Variants in EFCC1 observed in about 807,000 individuals in gnomAD.
The protein encoded by EFCC1 is EF-hand and coiled-coil domain containing 1.
EFCC1 carries 50 observed loss-of-function variants against 52.1 expected under a neutral mutation model. The observed-to-expected ratio is 0.96, with a 90% CI of 0.76 to 1.21. EFCC1 has a LOEUF of 1.21. Ranked by LOEUF, EFCC1 falls within the 50% of genes most tolerant of loss-of-function variation. The pLI is 0.00. For missense variants in EFCC1, 837 were observed against 867.3 expected (o/e 0.97, Z 0.44); for synonymous variants, 399 against 396.5 (o/e 1.01, Z -0.08).
At chr3:129,036,420 T>C (rs1946354241) in intron 5 of EFCC1, among the ~76,000 whole-genome samples, 1 of 152,242 alleles carries the variant, frequency 6.6e-6, no homozygotes, top group Non-Finnish European at 1.5e-5. Context: ...CAAAACACTT[T>C]GTGACTGCCT....
intron 2 of EFCC1, among the ~76,000 whole-genome samples, chr3:129,021,442 G>A (rs1172673237): frequency 6.6e-6 from 1 of 152,162 alleles, no homozygotes; most frequent in Non-Finnish European, 1.5e-5. Flanking sequence ...GGCAGGGAAT[G>A]CCTGGCCTGT....
At chr3:129,020,448 G>T (rs1945785279) in intron 2 of EFCC1, among the ~76,000 whole-genome samples, 1 of 152,056 alleles carries the variant, frequency 6.6e-6, no homozygotes, top group African/African-American at 2.4e-5. Context: ...ATCAACCTGG[G>T]CAACATAGTG....
intron 2 of EFCC1, among the ~76,000 whole-genome samples, chr3:129,008,696 T>G (rs1259488490): frequency 1.3e-5 from 2 of 152,164 alleles, no homozygotes; most frequent in African/African-American, 4.8e-5. Context: ...CCTGCTGCTT[T>G]CAGAGCTGTA....
intron 5 of EFCC1, 120 bp downstream of exon 5, chr3:129,034,449 G>A: frequency 8.8e-7 from 1 of 1,131,788 alleles, no homozygotes; most frequent in Non-Finnish European, 1.2e-6. Context: ...CCAAGGCCCA[G>A]AGGGAGGTGA....
Position 129,004,064 on chromosome 3 carries a change from C to T in EFCC1, c.967C>T (p.Leu323=). The T allele has an allele frequency of 6.6e-7, 1 of 1,509,368 alleles. No homozygotes were observed. The allele number at this position is 1,509,368 out of a possible 1,614,324, so 93.5% of individuals were successfully genotyped here. Residue 323 remains leucine, a synonymous_variant, in exon 2 of 8, where the codon CTG becomes TTG. Coordinates refer to ENST00000683648, the MANE Select transcript of EFCC1 (RefSeq NM_001377500.1). ...QRWVRRLEAE[L]QRYRSEDSQL... is the part of the protein sequence containing the mutation. The stretch of plus-strand genomic sequence containing the variant: ...CTGGGTGCGGCGGCTGGAGGCGGAG[C>T]TGCAACGCTACAGGTGAGCGGGGGC...
At chr3:129,026,510 C>T (rs1186401522) in intron 2 of EFCC1, among the ~76,000 whole-genome samples, 1 of 152,184 alleles carries the variant, frequency 6.6e-6, no homozygotes, top group Non-Finnish European at 1.5e-5. Context: ...ACAGCACATC[C>T]ATCATTCTTC....
At position 129,014,867 on chromosome 3, in the gene EFCC1, A is replaced by C. The variant is rs1945502487; in HGVS notation, c.980+10790A>C. Among the ~76,000 whole-genome samples the C allele has an allele frequency of 6.6e-6, 1 of 152,112 alleles. No individual in the cohort carries two copies. Among genetic ancestry groups the C allele is most frequent in the African/African-American group, 2.4e-5 (1 of 41,404 alleles). On this transcript the variant is annotated intron_variant, in intron 2 of 7. Coordinates refer to ENST00000683648, the MANE Select transcript of EFCC1 (RefSeq NM_001377500.1). The surrounding 1 kb of genome is among the most constrained non-coding windows in gnomAD (Gnocchi z 4.3). ...AGGGGCCAGTGAGGAGGGGCCAGTG[A>C]GGAGGAGCAGGTGAAGAGCCCTCCT...
chr3:129,037,459 A>T lies in EFCC1; in HGVS notation c.1593+342A>T, dbSNP rs559122070. On this transcript the variant is annotated intron_variant, in intron 6 of 7. Transcript: ENST00000683648. Reference sequence around the variant, plus strand: ...AAATTATTAAATACAATACTAGCAAACCAAATCTGGCAGTGTTTAAAGAAA... The same window carrying T: ...AAATTATTAAATACAATACTAGCAATCCAAATCTGGCAGTGTTTAAAGAAA... Among the ~76,000 whole-genome samples, 3 of 152,324 alleles carry T rather than the reference A, an allele frequency of 2.0e-5. No individual in the cohort carries two copies. The East Asian group carries it at 5.8e-4, about 29-fold the overall frequency.
chr3:129,032,291 C>A (rs1946288034), intron 3 of EFCC1, among the ~76,000 whole-genome samples: 1 of 152,114 alleles, frequency 6.6e-6, no homozygotes, highest in African/African-American at 2.4e-5. Context: ...TTGGTATGGC[C>A]TAAAATGGAA....
In EFCC1 at chr3:129,003,906, G is replaced by A. The variant is rs765001893; in HGVS notation, c.809G>A (p.Arg270His). ...AQGALAAAEA[R>H]AGRLRRGQAE... is the part of the protein sequence containing the mutation. ...GGCGCCCTGGCTGCGGCGGAGGCCC[G>A]CGCTGGGCGGCTGCGCCGTGGCCAG... Residue 270 changes from arginine (R) to histidine (H), a missense_variant, in exon 2 of 8, where the codon CGC becomes CAC. Arg to His is a conservative substitution (Grantham distance 29, BLOSUM62 0). Transcript: ENST00000683648. 9.6e-6 allele frequency: 13 copies of A among 1,354,908 alleles called. No individual in the cohort carries two copies. The South Asian group carries it at 2.2e-4, about 23-fold the overall frequency. The allele number at this position is 1,354,908 out of a possible 1,614,324, so 83.9% of individuals were successfully genotyped here. A position where few individuals can be genotyped will look rare whatever the true frequency, so the allele number is the denominator to read the frequency against.
intron 3 of EFCC1, among the ~76,000 whole-genome samples, chr3:129,032,503 A>C (rs1327810751): frequency 6.6e-6 from 1 of 151,588 alleles, no homozygotes; most frequent in Non-Finnish European, 1.5e-5. Context: ...ACAGAGCGAG[A>C]CCCTGTCTCT....
chr3:129,037,385 G>A (rs181828581), intron 6 of EFCC1, among the ~76,000 whole-genome samples: 435 of 152,304 alleles, frequency 2.9e-3, no homozygotes, highest in Admixed American at 6.9e-3. Flanking sequence ...ATGGAAGAAA[G>A]ACAAGAAAGG....
chr3:129,023,430 G>A (rs141183495), intron 2 of EFCC1, among the ~76,000 whole-genome samples: 1,913 of 151,948 alleles, frequency 0.013, 33 homozygotes, highest in African/African-American at 0.044. Context: ...CTGGGTTCAC[G>A]GCATTCTCCT....
intron 2 of EFCC1, among the ~76,000 whole-genome samples, chr3:129,020,659 G>A (rs891756472): frequency 6.6e-6 from 1 of 152,126 alleles, no homozygotes; most frequent in Non-Finnish European, 1.5e-5. Flanking sequence ...ATAAAATGAT[G>A]GGAAAGTTGA....
chr3:129,003,562 G>A (rs1347558109), intron 1 of EFCC1, among the ~76,000 whole-genome samples: 1 of 151,852 alleles, frequency 6.6e-6, no homozygotes, highest in African/African-American at 2.4e-5. Flanking sequence ...AAAACGTTGG[G>A]GGGTGGGGGA....
intron 2 of EFCC1, among the ~76,000 whole-genome samples, chr3:129,027,319 G>A (rs1270744371): frequency 6.6e-6 from 1 of 152,148 alleles, no homozygotes. Context: ...GCTGCAGGGG[G>A]CCCCGGCGCC....
intron 2 of EFCC1, among the ~76,000 whole-genome samples, chr3:129,008,715 A>G (rs1466393697): frequency 1.3e-5 from 2 of 152,190 alleles, no homozygotes; most frequent in African/African-American, 2.4e-5. Context: ...TAGGAGTTGC[A>G]GGTGAAATAG....
At chr3:129,034,466 CT>C (rs1404693389) in intron 5 of EFCC1, 137 bp downstream of exon 5, 2 of 988,522 alleles carry the variant, frequency 2.0e-6, no homozygotes, top group East Asian at 2.7e-5. Flanking sequence ...GTGATTTCCT[CT>C]GATTTAAATT....
chr3:129,009,911 G>T (rs1945243018), intron 2 of EFCC1, among the ~76,000 whole-genome samples: 1 of 152,230 alleles, frequency 6.6e-6, no homozygotes, highest in South Asian at 2.1e-4. Flanking sequence ...GTGATTCAGG[G>T]CTCACTGGGG....
Sources: allele counts gnomAD v4.1 joint callset (sites outside exome capture counted in the v4.1 genomes callset), GRCh38; gene constraint gnomAD v4.1.1; non-coding constraint Gnocchi (gnomAD v3.1); transcripts MANE v1.5; gene names NCBI Gene and HGNC (gene_info 2026-07-23, HGNC 2026-07-21).